Variants in PRKAG2 observed in about 807,000 individuals in gnomAD.
PRKAG2 encodes protein kinase AMP-activated non-catalytic subunit gamma 2.
PRKAG2 carries 26 observed loss-of-function variants against 69.6 expected under a neutral mutation model. The observed-to-expected ratio is 0.37, with a 90% CI of 0.27 to 0.52. The LOEUF is 0.52. Among genes scored for constraint, PRKAG2 ranks in the 20% least tolerant of loss-of-function variants. The pLI is 0.90. For missense variants in PRKAG2, 557 were observed against 740.0 expected (o/e 0.75, Z 2.87); for synonymous variants, 293 against 285.0 (o/e 1.03, Z -0.28).
chr7:151,849,644 G>A (rs763044105), intron 1 of PRKAG2, among the ~76,000 whole-genome samples: 5 of 152,144 alleles, frequency 3.3e-5, no homozygotes, highest in African/African-American at 4.8e-5. Context: ...GGACCCTTCC[G>A]TGCCTCTTCC....
rs1187113599 is a variant in PRKAG2 at position 151,763,910 on chromosome 7, C to T, written c.466+17242G>A. Among the ~76,000 whole-genome samples the T allele has an allele frequency of 3.9e-5, 6 of 152,232 alleles. No homozygotes were observed. In the South Asian group the frequency reaches 6.2e-4, roughly 16 times the overall value. ...CCCTTGGAGCTTGCAGGCCCGGAAACCCGCAAGCTCTGGACAGAACATGCA... is the reference window on the plus strand; with the variant it reads ...CCCTTGGAGCTTGCAGGCCCGGAAATCCGCAAGCTCTGGACAGAACATGCA... On this transcript the variant is annotated intron_variant, in intron 3 of 15. Transcript: ENST00000287878.
At chr7:151,739,420 T>C (rs1052999644) in intron 3 of PRKAG2, among the ~76,000 whole-genome samples, 13 of 152,130 alleles carry the variant, frequency 8.5e-5, no homozygotes, top group African/African-American at 2.9e-4. Flanking sequence ...CAGGGAGTCC[T>C]ATAAGGCATG....
chr7:151,693,774 C>T (rs190178413), intron 3 of PRKAG2, among the ~76,000 whole-genome samples: 44 of 152,288 alleles, frequency 2.9e-4, no homozygotes, highest in African/African-American at 9.1e-4. Flanking sequence ...CATGTGAGGA[C>T]GCAGCCAGGA....
Position 151,835,299 on chromosome 7 carries a change from G to A in PRKAG2, c.114+41208C>T, listed in dbSNP as rs79092185. On this transcript the variant is annotated intron_variant, in intron 1 of 15. Transcript: ENST00000287878. This position sits in a 1 kb window ranked among gnomAD's most constrained non-coding sequence, Gnocchi z 4.1. ...ACACACACGATCTTGGCTCACTGCA[G>A]CCTTGACCTCCTGGGCTCAAGTGAT... Among the ~76,000 whole-genome samples the A allele has an allele frequency of 1.2e-4, 19 of 152,224 alleles. No individual in the cohort carries two copies. The East Asian group carries it at 3.7e-3, about 29-fold the overall frequency.
At chr7:151,613,486 A>C (rs1819352798) in intron 5 of PRKAG2, among the ~76,000 whole-genome samples, 1 of 152,076 alleles carries the variant, frequency 6.6e-6, no homozygotes, top group Admixed American at 6.6e-5. Flanking sequence ...CCCAGTCCCG[A>C]GCATTTTGGT....
chr7:151,562,621 A>G (rs930099994), intron 14 of PRKAG2, among the ~76,000 whole-genome samples: 3 of 152,186 alleles, frequency 2.0e-5, no homozygotes, highest in Non-Finnish European at 2.9e-5. Context: ...ACACATTAAA[A>G]TGATAGTTCA....
At chr7:151,816,682 G>GCAGCCTGCAGC (rs2078649492) in intron 1 of PRKAG2, among the ~76,000 whole-genome samples, 1 of 152,236 alleles carries the variant, frequency 6.6e-6, no homozygotes, top group Non-Finnish European at 1.5e-5. Context: ...CAAACCTCCT[G>GCAGCCTGCAGC]CAGCCTGCAG....
chr7:151,611,287 T>C (rs1818787154), intron 5 of PRKAG2, among the ~76,000 whole-genome samples: 1 of 152,182 alleles, frequency 6.6e-6, no homozygotes, highest in South Asian at 2.1e-4. Flanking sequence ...CCTCTCTGTA[T>C]TCTATACCCA....
rs1004661786 is a variant in PRKAG2, at chr7:151,583,230, C to T, written c.865-6778G>A. On this transcript the variant is annotated intron_variant, in intron 6 of 15. Transcript: ENST00000287878. This position sits in a 1 kb window ranked among gnomAD's most constrained non-coding sequence, Gnocchi z 4.1. ...AGAGATGGGGTTTTGCCATGTTGCC[C>T]GGGCTGGTCTCAAACTCTAGGCCTC... Among the ~76,000 whole-genome samples, 2 of 152,124 alleles carry T rather than the reference C, an allele frequency of 1.3e-5. No homozygotes were observed. Among genetic ancestry groups the T allele is most frequent in the African/African-American group, 2.4e-5 (1 of 41,404 alleles).
chr7:151,690,733 T>C (rs111560889), intron 3 of PRKAG2, among the ~76,000 whole-genome samples: 1,667 of 152,338 alleles, frequency 0.011, 22 homozygotes, highest in African/African-American at 0.038. Context: ...TCAGCATCTA[T>C]TGTCAGCTAA....
At chr7:151,860,447 C>T (rs183434542) in intron 1 of PRKAG2, among the ~76,000 whole-genome samples, 17 of 152,286 alleles carry the variant, frequency 1.1e-4, no homozygotes, top group African/African-American at 2.4e-4. Context: ...ATCAGAGACA[C>T]GCACTGATGG....
chr7:151,683,756 G>A (rs1049578925), intron 3 of PRKAG2, among the ~76,000 whole-genome samples: 2 of 152,148 alleles, frequency 1.3e-5, no homozygotes, highest in Non-Finnish European at 2.9e-5. Context: ...GCCAGAGAGG[G>A]ACAGGAGTAC....
At chr7:151,726,376 ACACACACACACACACACACACACACG>A (rs1311838513) in intron 3 of PRKAG2, among the ~76,000 whole-genome samples, 5 of 78,884 alleles carry the variant, frequency 6.3e-5, no homozygotes, top group African/African-American at 1.8e-4. Context: ...GGCAGGACAC[ACACACACACACACACACACACACACG>A]CACACACACA....
At chr7:151,779,976 C>A (rs1198521710) in intron 3 of PRKAG2, among the ~76,000 whole-genome samples, 1 of 152,212 alleles carries the variant, frequency 6.6e-6, no homozygotes. Flanking sequence ...TTGTGACAAC[C>A]CCACAGCCTT....
At chr7:151,840,859 C>T (rs182038161) in intron 1 of PRKAG2, among the ~76,000 whole-genome samples, 9 of 152,288 alleles carry the variant, frequency 5.9e-5, no homozygotes, top group South Asian at 2.1e-4. Flanking sequence ...AAAGTGCTGC[C>T]GGGCACGGTG....
rs752733521 is a variant in PRKAG2 at position 151,850,597 on chromosome 7, A to G, written c.114+25910T>C. Among the ~76,000 whole-genome samples, 5 of 152,158 alleles carry G rather than the reference A, an allele frequency of 3.3e-5. No homozygotes were observed. The highest frequency in any genetic ancestry group is 9.7e-5 in the African/African-American group (4 of 41,420). On this transcript the variant is annotated intron_variant, in intron 1 of 15. Coordinates refer to ENST00000287878, the MANE Select transcript of PRKAG2 (RefSeq NM_016203.4). The surrounding 1 kb of genome is among the most constrained non-coding windows in gnomAD (Gnocchi z 4.1). ...CGAGCCTGGATTGGAACCCAGATGG[A>G]CCAATTCCAAAATCCTCAAGTTCTA...
chr7:151,609,865 C>T (rs558933444), intron 5 of PRKAG2, among the ~76,000 whole-genome samples: 4 of 152,244 alleles, frequency 2.6e-5, no homozygotes, highest in African/African-American at 2.4e-5. Flanking sequence ...CCAGGCTTAG[C>T]GGTTCCGTGC....
chr7:151,779,922 A>G (rs1358332683), intron 3 of PRKAG2, among the ~76,000 whole-genome samples: 1 of 152,200 alleles, frequency 6.6e-6, no homozygotes, highest in Non-Finnish European at 1.5e-5. Context: ...AGATGGGGAA[A>G]GAAAGGGGCA....
rs967268247 is a variant in PRKAG2 at position 151,650,094 on chromosome 7, G to A, written c.685-17956C>T. 1.8e-4 allele frequency among the ~76,000 whole-genome samples: 28 copies of A among 152,040 alleles called. 1 individual carries two copies. The highest frequency in any genetic ancestry group is 1.8e-3 in the Admixed American group (28 of 15,262). On this transcript the variant is annotated intron_variant, in intron 4 of 15. Coordinates refer to ENST00000287878, the MANE Select transcript of PRKAG2 (RefSeq NM_016203.4). ...AAATTAGCCGGACACGGTGGCACGC[G>A]CCTATAGTCCCAGCTACTCAGGAGC...
Sources: gnomAD v4.1 joint callset for allele counts (sites outside exome capture counted in the v4.1 genomes callset) on GRCh38, gnomAD v4.1.1 for gene constraint, Gnocchi (gnomAD v3.1) non-coding constraint, MANE v1.5 for transcripts, NCBI Gene and HGNC (gene_info 2026-07-23, HGNC 2026-07-21) for gene names.